Variants in LTA4H observed in about 807,000 individuals in gnomAD.
LTA4H encodes the protein leukotriene A4 hydrolase.
In LTA4H, 59 loss-of-function variants were observed where a neutral mutation model predicts 89.8. That is an observed-to-expected ratio of 0.66 (90% CI 0.53 to 0.82). The LOEUF is 0.82. LTA4H is among the 40% of genes least tolerant of loss of function. The pLI is 0.00. For missense variants in LTA4H, 617 were observed against 727.0 expected (o/e 0.85, Z 1.74); for synonymous variants, 227 against 253.1 (o/e 0.90, Z 0.98).
In LTA4H at chr12:96,003,885, T is replaced by C. The variant is rs1484815714; in HGVS notation, c.1566A>G (p.Gln522=). The part of the protein sequence containing the change: ...PLPLGHIKRM[Q]EVYNFNAINN... ...TAATGGCATTGAAGTTGTACACCTC[T>C]TGCATTCGCTTTATGTGCCCCAATG... The change falls in exon 17 of 19, where the codon CAA becomes CAG. Residue 522 remains glutamine (Q), a synonymous_variant. Transcript: ENST00000228740. The C allele has an allele frequency of 6.2e-7, 1 of 1,610,776 alleles. No homozygotes were observed. The highest frequency in any genetic ancestry group is 8.5e-7 in the Non-Finnish European group (1 of 1,178,258).
intron 12 of LTA4H, 190 bp from the exon 13 acceptor site, chr12:96,014,043 T>C (rs1950342355): frequency 2.1e-6 from 1 of 486,082 alleles, no homozygotes; most frequent in Admixed American, 4.0e-5. Flanking sequence ...CCTTGAAGAA[T>C]ATATGTAATT....
rs747363093 is a variant in LTA4H at position 96,003,016 on chromosome 12, C to A, written c.1662G>T (p.Leu554Phe). ...CTTGTTCAGTTGCCATCTTTAGCGC[C>A]AAAGGAATTGCGTCCTCCCACTTGG... is the stretch of plus-strand genomic sequence containing the variant. ...IQSKWEDAIP[L>F]ALKMATEQGR... Residue 554 changes from leucine to phenylalanine, a missense_variant, in exon 18 of 19, where the codon TTG (leucine) becomes TTT (phenylalanine). By Grantham distance (22) the Leu-to-Phe change is conservative. This residue lies in a region of LTA4H where 290 missense variants were observed against 339.1 expected (regional missense o/e 0.86). Coordinates refer to ENST00000228740, the MANE Select transcript of LTA4H (RefSeq NM_000895.3). 1.2e-5 allele frequency: 20 copies of A among 1,605,992 alleles called. No homozygotes were observed. Among genetic ancestry groups the A allele is most frequent in the Non-Finnish European group, 1.7e-5 (20 of 1,175,816 alleles).
At chr12:96,041,504 C>T (rs1417743722) in intron 1 of LTA4H, among the ~76,000 whole-genome samples, 1 of 151,842 alleles carries the variant, frequency 6.6e-6, no homozygotes, top group Non-Finnish European at 1.5e-5. Context: ...CCTCTACATG[C>T]ATCAAAACAT....
chr12:96,031,654 G>A (rs2660897), intron 1 of LTA4H, among the ~76,000 whole-genome samples: 72,713 of 151,972 alleles, frequency 0.48, 18,562 homozygotes, highest in African/African-American at 0.67. Context: ...CATGGAATAG[G>A]TATCTGATTC....
At chr12:96,004,013 C>A in intron 16 of LTA4H, 93 bp from the exon 17 acceptor site, 6 of 563,000 alleles carry the variant, frequency 1.1e-5, no homozygotes, top group South Asian at 6.1e-5. Flanking sequence ...GATTAAAATC[C>A]TAAATATTTT....
At chr12:96,024,023 G>A (rs1950484115) in intron 4 of LTA4H, among the ~76,000 whole-genome samples, 1 of 151,720 alleles carries the variant, frequency 6.6e-6, no homozygotes, top group Non-Finnish European at 1.5e-5. Context: ...TCTGCCTCCT[G>A]GGTTCATGCC....
chr12:96,042,763 G>A (rs1043263023), intron 1 of LTA4H, among the ~76,000 whole-genome samples: 3 of 152,048 alleles, frequency 2.0e-5, no homozygotes, highest in African/African-American at 7.2e-5. Context: ...TCCTGTAACC[G>A]GTTACAGAAA....
At chr12:96,017,291 A>G (rs1186850104) in intron 9 of LTA4H, among the ~76,000 whole-genome samples, 177 bp from the exon 10 acceptor site, 1 of 152,232 alleles carries the variant, frequency 6.6e-6, no homozygotes, top group Admixed American at 6.5e-5. Flanking sequence ...ACACACAAAT[A>G]TGGCATAAAG....
At position 96,035,454 on chromosome 12, in the gene LTA4H, C is replaced by G; in HGVS notation, c.66G>C (p.Leu22=). Residue 22 remains leucine (L), a synonymous_variant, in exon 1 of 19, where the codon CTG becomes CTC. Coordinates refer to ENST00000228740, the MANE Select transcript of LTA4H (RefSeq NM_000895.3). ...SPASVCRTKH[L]HLRCSVDFTR... is the part of the protein sequence containing the mutation. ...TAAAGTCGACGCTGCAGCGCAGGTG[C>G]AGGTGCTTGGTCCGGCAGACGGAAG... The G allele has an allele frequency of 6.2e-7, 1 of 1,609,756 alleles. No individual in the cohort carries two copies. Among genetic ancestry groups the G allele is most frequent in the Non-Finnish European group, 8.5e-7 (1 of 1,178,156 alleles).
rs536433423 is a variant in LTA4H, at chr12:96,029,249, A to C, written c.160-64T>G. On this transcript the variant is annotated intron_variant, in intron 1 of 18. Transcript: ENST00000228740. Reference sequence around the variant, plus strand: ...ATTTACCAGAAAAAACTCATATTAGATATAGGCTACAACAACTAGTTGCTT... The same window carrying C: ...ATTTACCAGAAAAAACTCATATTAGCTATAGGCTACAACAACTAGTTGCTT... 1.8e-4 allele frequency: 164 copies of C among 919,284 alleles called. 4 individuals carry two copies. In the South Asian group the frequency reaches 2.9e-3, roughly 16 times the overall value. 56.9% of individuals were successfully genotyped at this position (919,284 alleles called of 1,614,324 possible).
At chr12:96,015,067 A>G in intron 11 of LTA4H, 68 bp from the exon 12 acceptor site, 1 of 1,446,424 alleles carries the variant, frequency 6.9e-7, no homozygotes, top group Non-Finnish European at 9.5e-7. Context: ...ATAAGCTAAT[A>G]AGGAGGTATT....
At chr12:96,026,661 T>C (rs1034292518) in intron 3 of LTA4H, among the ~76,000 whole-genome samples, 1 of 152,214 alleles carries the variant, frequency 6.6e-6, no homozygotes, top group African/African-American at 2.4e-5. Context: ...CTTTTTTAAA[T>C]GGACTTGTAT....
chr12:96,015,040 C>A, intron 11 of LTA4H, 41 bp from the exon 12 acceptor site: 1 of 1,580,478 alleles, frequency 6.3e-7, no homozygotes, highest in Non-Finnish European at 8.6e-7. Context: ...TATAGAAAGA[C>A]TGCTATCACC....
intron 1 of LTA4H, among the ~76,000 whole-genome samples, chr12:96,042,623 T>A (rs1950696646): frequency 6.6e-6 from 1 of 152,212 alleles, no homozygotes; most frequent in Non-Finnish European, 1.5e-5. Flanking sequence ...CCTACGTCTT[T>A]AGATGAATGC....
intron 3 of LTA4H, among the ~76,000 whole-genome samples, chr12:96,024,846 T>G (rs1173239666): frequency 6.6e-6 from 1 of 152,088 alleles, no homozygotes; most frequent in East Asian, 1.9e-4. Context: ...TTTTGTATTT[T>G]GAGTAGAGAT....
intron 2 of LTA4H, 151 bp downstream of exon 2, chr12:96,028,904 A>C: frequency 3.8e-6 from 2 of 527,536 alleles, no homozygotes; most frequent in Non-Finnish European, 6.0e-6. Flanking sequence ...CTGCTGTATC[A>C]ACTTTAATCT....
At position 96,022,311 on chromosome 12, in the gene LTA4H, A is replaced by G. The variant is rs540475629; in HGVS notation, c.481-60T>C. On this transcript the variant is annotated intron_variant, in intron 4 of 18. Coordinates refer to ENST00000228740, the MANE Select transcript of LTA4H (RefSeq NM_000895.3). This position sits in a 1 kb window ranked among gnomAD's most constrained non-coding sequence, Gnocchi z 4.0. ...TAAAAGCTTCTATGTGTCTTAAACC[A>G]TATATGTAAAATAACCTTTTCTTCC... The G allele has an allele frequency of 9.2e-7, 1 of 1,088,166 alleles. No homozygotes were observed. The highest frequency in any genetic ancestry group is 1.3e-5 in the South Asian group (1 of 74,198). The allele number at this position is 1,088,166 out of a possible 1,614,324, so 67.4% of individuals were successfully genotyped here.
chr12:96,034,953 C>CT (rs1566019182), intron 1 of LTA4H, among the ~76,000 whole-genome samples: 29 of 152,188 alleles, frequency 1.9e-4, no homozygotes, highest in African/African-American at 6.8e-4. Context: ...CAGGCCGAAG[C>CT]AATGGGGAGG....
chr12:96,038,812 G>A (rs1207047196), upstream of LTA4H, among the ~76,000 whole-genome samples: 1 of 148,268 alleles, frequency 6.7e-6, no homozygotes, highest in Non-Finnish European at 1.5e-5. Context: ...GTTTTAATAA[G>A]AACGTCATTA....
Sources: gnomAD v4.1 joint callset for allele counts (sites outside exome capture counted in the v4.1 genomes callset) on GRCh38, gnomAD v4.1.1 for gene constraint, gnomAD v4.1.1 regional missense constraint, Gnocchi (gnomAD v3.1) non-coding constraint, MANE v1.5 for transcripts, NCBI Gene and HGNC (gene_info 2026-07-23, HGNC 2026-07-21) for gene names.